MTA3: variants seen among roughly 807,000 people sequenced by gnomAD.
MTA3 encodes the protein metastasis-associated protein MTA3.
In MTA3, 34 loss-of-function variants were observed where a neutral mutation model predicts 83.5. The observed-to-expected ratio is 0.41, with a 90% confidence interval of 0.31 to 0.54. The LOEUF (loss-of-function observed/expected upper bound fraction) is 0.54. MTA3 is among the 20% of genes least tolerant of loss of function. The pLI, the probability that MTA3 is intolerant of heterozygous loss-of-function variation, is 0.33. For missense variants in MTA3, 761 were observed against 726.4 expected (o/e 1.05, Z -0.55); for synonymous variants, 303 against 252.7 (o/e 1.20, Z -1.89).
chr2:42,499,134 T>A (rs1674279815), intron 2 of MTA3, among the ~76,000 whole-genome samples: 1 of 152,132 alleles, frequency 6.6e-6, no homozygotes, highest in Non-Finnish European at 1.5e-5. Context: ...TCAATAGTAC[T>A]ATAATGCATA....
intron 3 of MTA3, among the ~76,000 whole-genome samples, chr2:42,582,814 G>T (rs1423453930): frequency 2.6e-5 from 4 of 152,104 alleles, no homozygotes; most frequent in African/African-American, 9.7e-5. Context: ...TTAACTCGTA[G>T]AAAATAAATT....
chr2:42,521,020 C>G (rs1675404755), intron 2 of MTA3, among the ~76,000 whole-genome samples: 1 of 152,176 alleles, frequency 6.6e-6, no homozygotes, highest in African/African-American at 2.4e-5. Context: ...TCTGGGGCTT[C>G]CTGTGGTAGG....
intron 8 of MTA3, among the ~76,000 whole-genome samples, chr2:42,676,905 C>A (rs892631403): frequency 3.3e-5 from 5 of 151,552 alleles, no homozygotes; most frequent in African/African-American, 1.2e-4. Flanking sequence ...TGAAAAGGTC[C>A]CTAAATGCTA....
At chr2:42,503,869 CAAAT>C (rs1183918067) in intron 2 of MTA3, among the ~76,000 whole-genome samples, 1 of 148,880 alleles carries the variant, frequency 6.7e-6, no homozygotes, top group Non-Finnish European at 1.5e-5. Flanking sequence ...GAAAGGAAAA[CAAAT>C]AAATAAACAA....
Position 42,640,255 on chromosome 2 carries a change from T to C in MTA3, c.381+19T>C, listed in dbSNP as rs779321648. 1.3e-6 allele frequency: 2 copies of C among 1,569,950 alleles called. No individual in the cohort carries two copies. The highest frequency in any genetic ancestry group is 2.4e-5 in the South Asian group (2 of 84,236). On this transcript the variant is annotated intron_variant, in intron 5 of 16. Transcript: ENST00000405094. ...TAAGGAGGTAATTCACAATCATAGTTGTTTTGTTTTTTTCTCCCTTTATTT... is the reference window on the plus strand; with the variant it reads ...TAAGGAGGTAATTCACAATCATAGTCGTTTTGTTTTTTTCTCCCTTTATTT...
chr2:42,660,845 A>G (rs1689626686), intron 8 of MTA3, among the ~76,000 whole-genome samples: 1 of 152,250 alleles, frequency 6.6e-6, no homozygotes, highest in Non-Finnish European at 1.5e-5. Context: ...AGGAATACAC[A>G]TCAGATAATA....
intron 8 of MTA3, among the ~76,000 whole-genome samples, chr2:42,663,891 G>A (rs1382515975): frequency 2.0e-5 from 3 of 152,066 alleles, no homozygotes; most frequent in South Asian, 2.1e-4. Context: ...TTTGAGGTCC[G>A]ATTACTTTTG....
intron 2 of MTA3, among the ~76,000 whole-genome samples, chr2:42,576,159 C>T (rs1002267040): frequency 4.6e-5 from 7 of 152,142 alleles, no homozygotes; most frequent in African/African-American, 1.7e-4. Flanking sequence ...TGGTCTCTAC[C>T]CATACAGGGT....
chr2:42,621,137 T>TTG (rs887212674), intron 4 of MTA3, among the ~76,000 whole-genome samples: 3 of 151,324 alleles, frequency 2.0e-5, no homozygotes, highest in Non-Finnish European at 2.9e-5. Context: ...TTAGAGTTTT[T>TTG]TTTTTTTTTT....
chr2:42,546,381 G>C (rs1475321554), intron 2 of MTA3, among the ~76,000 whole-genome samples: 1 of 152,142 alleles, frequency 6.6e-6, no homozygotes. Flanking sequence ...GTCCTTGTCT[G>C]CTCTACTTGG....
At chr2:42,568,601 CCT>C (rs1229200692), upstream of MTA3, 4 of 306,086 alleles carry the variant, frequency 1.3e-5, no homozygotes, top group East Asian at 7.2e-5. Context: ...TCCCCCACCC[CCT>C]GTCCCCTCCC....
In MTA3 at chr2:42,708,033, A is replaced by G. The variant is rs1666250958; in HGVS notation, c.1281A>G (p.Leu427=). The G allele has an allele frequency of 1.2e-6, 2 of 1,611,266 alleles. No homozygotes were observed. Among genetic ancestry groups the G allele is most frequent in the Middle Eastern group, 3.3e-4 (2 of 6,048 alleles). Residue 427 remains leucine (L), a synonymous_variant, in exon 13 of 17, where the codon TTA becomes TTG. Transcript: ENST00000405094. The part of the protein sequence containing the change: ...KMPTQSEEEK[L]SPSPTTEDPR... ...CCACCCAGTCAGAAGAAGAGAAGTTATCTCCTAGCCCAACTACAGAGGTAC... is the reference window on the plus strand; with the variant it reads ...CCACCCAGTCAGAAGAAGAGAAGTTGTCTCCTAGCCCAACTACAGAGGTAC...
chr2:42,642,644 G>GTTT (rs1198386196), intron 5 of MTA3, among the ~76,000 whole-genome samples: 3 of 135,746 alleles, frequency 2.2e-5, no homozygotes, highest in Non-Finnish European at 4.8e-5. Context: ...TGTTAAGTTG[G>GTTT]TTTTTTTTTT....
chr2:42,615,547 G>T (rs1446462642), intron 4 of MTA3, among the ~76,000 whole-genome samples: 2 of 151,368 alleles, frequency 1.3e-5, no homozygotes, highest in East Asian at 3.9e-4. Flanking sequence ...GTAGAGACAG[G>T]GTTTCACCAT....
chr2:42,522,634 C>CA (rs1376335452), intron 2 of MTA3, among the ~76,000 whole-genome samples: 1 of 151,516 alleles, frequency 6.6e-6, no homozygotes, highest in African/African-American at 2.4e-5. Context: ...CATCTCTACA[C>CA]AAAAAAATAA....
chr2:42,555,478 G>A lies in MTA3; in HGVS notation c.-140-14959G>A, dbSNP rs1378841863. ...CTCAAAAAAAAAAAAAAAAAAAAAA[G>A]AGCCGGGCGCAGTGGCTCACACCTG... On this transcript the variant is annotated intron_variant, in intron 2 of 17. Coordinates refer to the MTA3 transcript ENST00000405592. Among the ~76,000 whole-genome samples, 201 of 57,496 alleles carry A rather than the reference G, an allele frequency of 3.5e-3. 3 individuals carry two copies. Among genetic ancestry groups the A allele is most frequent in the African/African-American group, 0.013 (185 of 13,814 alleles). The allele number at this position is 57,496 out of a possible 152,430, so 37.7% of individuals were successfully genotyped here. A position where few individuals can be genotyped will look rare whatever the true frequency, so the allele number is the denominator to read the frequency against.
At chr2:42,697,462 G>A (rs1375724887) in intron 10 of MTA3, among the ~76,000 whole-genome samples, 1 of 152,124 alleles carries the variant, frequency 6.6e-6, no homozygotes, top group Admixed American at 6.5e-5. Context: ...ACTAAATTTG[G>A]AAAGTAAAAA....
chr2:42,609,196 A>G (rs1683880148), intron 3 of MTA3, among the ~76,000 whole-genome samples: 1 of 151,790 alleles, frequency 6.6e-6, no homozygotes, highest in Non-Finnish European at 1.5e-5. Flanking sequence ...ATGCCAGGCT[A>G]CTTTTTGTAT....
chr2:42,750,786 C>T (rs757597992), intron 16 of MTA3, among the ~76,000 whole-genome samples: 6 of 152,166 alleles, frequency 3.9e-5, no homozygotes, highest in African/African-American at 7.2e-5. Flanking sequence ...AGGCCTGAAA[C>T]GGTTTTGTCC....
Sources: gnomAD v4.1 joint callset for allele counts (sites outside exome capture counted in the v4.1 genomes callset) on GRCh38, gnomAD v4.1.1 for gene constraint, MANE v1.5 for transcripts, NCBI Gene and HGNC (gene_info 2026-07-23, HGNC 2026-07-21) for gene names.